Variants in ME3 observed in about 807,000 individuals in gnomAD.
ME3 encodes NADP-dependent malic enzyme, mitochondrial.
ME3 carries 48 observed loss-of-function variants against 68.9 expected under a neutral mutation model. The ratio of observed to expected loss-of-function variants is 0.70; its 90% CI spans 0.55 to 0.89. The LOEUF is 0.89. ME3 is among the 40% of genes least tolerant of loss of function. The pLI is 0.00. For missense variants in ME3, 675 were observed against 797.4 expected (o/e 0.85, Z 1.85); for synonymous variants, 320 against 318.8 (o/e 1.00, Z -0.04).
At chr11:86,630,679 C>A (rs937010973) in intron 2 of ME3, among the ~76,000 whole-genome samples, 1 of 152,272 alleles carries the variant, frequency 6.6e-6, no homozygotes, top group Non-Finnish European at 1.5e-5. Flanking sequence ...AGACAACACA[C>A]TCTTTGGCAT....
intron 7 of ME3, among the ~76,000 whole-genome samples, chr11:86,484,618 C>T (rs1013220104): frequency 1.7e-4 from 26 of 152,146 alleles, no homozygotes; most frequent in African/African-American, 6.3e-4. Flanking sequence ...GTTTATTTAA[C>T]CTTCTCACAC....
intron 4 of ME3, among the ~76,000 whole-genome samples, chr11:86,521,431 A>AAAAAAAAATAATAATAAT (rs1271326906): frequency 1.4e-5 from 2 of 145,924 alleles, no homozygotes; most frequent in African/African-American, 5.1e-5. Flanking sequence ...AACAAAACAA[A>AAAAAAAAATAATAATAAT]AATAATAATA....
chr11:86,533,742 A>G (rs1006249199), intron 4 of ME3, among the ~76,000 whole-genome samples: 2 of 152,230 alleles, frequency 1.3e-5, no homozygotes, highest in Non-Finnish European at 2.9e-5. Context: ...AATCTTCAAC[A>G]AAATACAGTC....
Position 86,671,968 on chromosome 11 carries a change from G to T in ME3, c.-14-10C>A. 1 of 1,388,000 alleles carries T rather than the reference G, an allele frequency of 7.2e-7. No individual in the cohort carries two copies. The highest frequency in any genetic ancestry group is 9.3e-7 in the Non-Finnish European group (1 of 1,078,138). The allele number at this position is 1,388,000 out of a possible 1,614,324, so 86.0% of individuals were successfully genotyped here. A position where few individuals can be genotyped will look rare whatever the true frequency, so the allele number is the denominator to read the frequency against. On this transcript the variant is annotated splice_polypyrimidine_tract_variant and intron_variant, in intron 1 of 14. Transcript: ENST00000543262. ...ATGGTCCTTGGCAGACCTGGCACGGGAGAGAAAGCAAGGTCAGGGCCTCCT... is the reference window on the plus strand; with the variant it reads ...ATGGTCCTTGGCAGACCTGGCACGGTAGAGAAAGCAAGGTCAGGGCCTCCT...
Position 86,442,740 on chromosome 11 carries a change from C to T in ME3, c.1653+81G>A, listed in dbSNP as rs1949069286. 4 of 1,184,334 alleles carry T rather than the reference C, an allele frequency of 3.4e-6. No homozygotes were observed. The South Asian group carries it at 5.7e-5, about 17-fold the overall frequency. The allele number at this position is 1,184,334 out of a possible 1,614,324, so 73.4% of individuals were successfully genotyped here. A position where few individuals can be genotyped will look rare whatever the true frequency, so the allele number is the denominator to read the frequency against. ...GATCCAGTGTCTCCACAGTTTCCAT[C>T]CCCTTAACCCTCCTAAAGTCACAGA... On this transcript the variant is annotated intron_variant, in intron 14 of 14. Transcript: ENST00000543262.
exon 15 of ME3, chr11:86,441,318 G>A (rs1248260781): frequency 1.9e-6 from 3 of 1,610,592 alleles, no homozygotes; most frequent in Non-Finnish European, 2.5e-6. Context: ...TGGGCCAAGT[G>A]TAGCTGTCCA....
intron 2 of ME3, among the ~76,000 whole-genome samples, chr11:86,586,215 T>G (rs753674375): frequency 6.6e-6 from 1 of 152,150 alleles, no homozygotes; most frequent in Non-Finnish European, 1.5e-5. Context: ...GTTTATGGTG[T>G]TGTCAGGAAA....
At chr11:86,598,784 G>A (rs530316934) in intron 2 of ME3, among the ~76,000 whole-genome samples, 1 of 152,244 alleles carries the variant, frequency 6.6e-6, no homozygotes, top group South Asian at 2.1e-4. Flanking sequence ...AGCAGCATTC[G>A]CGGATCACGA....
intron 4 of ME3, among the ~76,000 whole-genome samples, chr11:86,518,658 C>G (rs920697321): frequency 3.3e-5 from 5 of 152,118 alleles, no homozygotes; most frequent in African/African-American, 9.7e-5. Flanking sequence ...CTTCTAGAAC[C>G]AGCTGAAGAG....
intron 7 of ME3, among the ~76,000 whole-genome samples, chr11:86,482,068 A>G (rs1206441315): frequency 1.3e-5 from 2 of 152,176 alleles, no homozygotes; most frequent in East Asian, 3.9e-4. Context: ...TATCCATAGG[A>G]CACAGTTCAG....
chr11:86,670,605 T>C (rs911966981), intron 2 of ME3, among the ~76,000 whole-genome samples: 1 of 152,086 alleles, frequency 6.6e-6, no homozygotes, highest in Non-Finnish European at 1.5e-5. Context: ...GTGATAGAGG[T>C]TGATTTTGAT....
intron 2 of ME3, among the ~76,000 whole-genome samples, chr11:86,596,791 C>G (rs1959549030): frequency 6.6e-6 from 1 of 152,218 alleles, no homozygotes; most frequent in Admixed American, 6.5e-5. Context: ...ATGTGTAACT[C>G]ATTATATCAC....
intron 2 of ME3, among the ~76,000 whole-genome samples, chr11:86,578,936 G>T (rs1594526690): frequency 6.6e-6 from 1 of 152,276 alleles, no homozygotes; most frequent in Middle Eastern, 3.4e-3. Context: ...GAAAGTTGAG[G>T]CTGAGAGAGT....
At chr11:86,624,491 C>T (rs186293893) in intron 2 of ME3, among the ~76,000 whole-genome samples, 76 of 152,298 alleles carry the variant, frequency 5.0e-4, no homozygotes, top group Admixed American at 1.4e-3. Context: ...CCCAATGCCC[C>T]ACTCAACCAG....
chr11:86,565,513 G>T (rs1594470884), intron 2 of ME3, among the ~76,000 whole-genome samples: 1 of 152,264 alleles, frequency 6.6e-6, no homozygotes, highest in East Asian at 1.9e-4. Context: ...TGAACAAAAT[G>T]TATATACATG....
intron 2 of ME3, among the ~76,000 whole-genome samples, chr11:86,624,043 C>T (rs1453638648): frequency 1.3e-5 from 2 of 152,170 alleles, no homozygotes; most frequent in Non-Finnish European, 2.9e-5. Context: ...CATTCTTTCT[C>T]TTATAGTTTA....
intron 8 of ME3, among the ~76,000 whole-genome samples, chr11:86,459,207 C>A (rs1437573440): frequency 6.6e-6 from 1 of 152,140 alleles, no homozygotes. Context: ...AGAAAACTCA[C>A]AGAAGAGTGA....
At chr11:86,509,007 C>G (rs1953300171) in intron 4 of ME3, 140 bp from the exon 5 acceptor site, 2 of 672,738 alleles carry the variant, frequency 3.0e-6, no homozygotes, top group Non-Finnish European at 5.2e-6. Context: ...GAGGCCCCAG[C>G]AGTTTAGAGG....
At chr11:86,462,596 C>G (rs1950275861) in intron 8 of ME3, 1 of 1,286,746 alleles carries the variant, frequency 7.8e-7, no homozygotes, top group Middle Eastern at 2.2e-4. Flanking sequence ...ATGAGGATGT[C>G]AGTTTGTATG....
Sources: gnomAD v4.1 joint callset for allele counts (sites outside exome capture counted in the v4.1 genomes callset) on GRCh38, gnomAD v4.1.1 for gene constraint, MANE v1.5 for transcripts, NCBI Gene and HGNC (gene_info 2026-07-23, HGNC 2026-07-21) for gene names.